RAD51C: variants seen among roughly 807,000 people sequenced by gnomAD.
The protein encoded by RAD51C is DNA repair protein RAD51 homolog 3.
In RAD51C, 42 loss-of-function variants were observed where a neutral mutation model predicts 45.0. The ratio of observed to expected loss-of-function variants is 0.93; its 90% confidence interval spans 0.73 to 1.21. The LOEUF is 1.21. Ranked by LOEUF, RAD51C falls within the 50% of genes most tolerant of loss-of-function variation. RAD51C has a pLI of 0.00. For missense variants in RAD51C, 474 were observed against 452.2 expected (o/e 1.05, Z -0.44); for synonymous variants, 172 against 159.8 (o/e 1.08, Z -0.58).
intron 5 of RAD51C, among the ~76,000 whole-genome samples, chr17:58,715,112 C>T (rs1171321252): frequency 6.7e-6 from 1 of 149,794 alleles, no homozygotes; most frequent in Non-Finnish European, 1.5e-5. Flanking sequence ...TTCTGGGAAA[C>T]ACACAGTTCC....
chr17:58,695,926 G>T (rs1010716166), intron 2 of RAD51C, among the ~76,000 whole-genome samples: 2 of 151,876 alleles, frequency 1.3e-5, no homozygotes, highest in African/African-American at 4.8e-5. Context: ...AATTAGCCAG[G>T]CATGGTGGTT....
Position 58,734,184 on chromosome 17 carries a change from A to C in RAD51C, c.1093A>C (p.Thr365Pro), listed in dbSNP as rs1350543873. The change falls in exon 9 of 9, where the codon ACC becomes CCC. Residue 365 changes from threonine to proline, a missense_variant. Transcript: ENST00000337432. The part of the protein sequence containing the change: ...CSLQTEGSLS[T>P]RKRSRDPEEE... ...ATTGCAAACAGAAGGTTCCTTGAGC[A>C]CCCGGAAACGGTCACGAGACCCAGA... 1 of 1,613,442 alleles carries C rather than the reference A, an allele frequency of 6.2e-7. No homozygotes were observed. Among genetic ancestry groups the C allele is most frequent in the Admixed American group, 1.7e-5 (1 of 59,952 alleles).
intron 5 of RAD51C, among the ~76,000 whole-genome samples, chr17:58,718,004 CT>C (rs1018587979): frequency 6.6e-6 from 1 of 151,044 alleles, no homozygotes; most frequent in African/African-American, 2.4e-5. Flanking sequence ...TTTTCTTTTT[CT>C]TTTTTTTTGA....
At chr17:58,712,013 C>G (rs932762619) in intron 5 of RAD51C, among the ~76,000 whole-genome samples, 1 of 151,428 alleles carries the variant, frequency 6.6e-6, no homozygotes, top group Non-Finnish European at 1.5e-5. Flanking sequence ...CCAGCCTGAA[C>G]AACAAAGCTT....
intron 8 of RAD51C, 22 bp downstream of exon 8, chr17:58,732,566 T>G: frequency 6.2e-7 from 1 of 1,600,240 alleles, no homozygotes; most frequent in Non-Finnish European, 8.6e-7. Flanking sequence ...TTGATTAGAG[T>G]GGGATTTTGA....
At chr17:58,697,052 CT>C (rs1470099194) in intron 3 of RAD51C, among the ~76,000 whole-genome samples, 193 bp downstream of exon 3, 2 of 152,060 alleles carry the variant, frequency 1.3e-5, no homozygotes, top group Non-Finnish European at 2.9e-5. Flanking sequence ...TTTTGTTCCC[CT>C]TTTATGGCCC....
chr17:58,708,843 C>T (rs2048458941), intron 4 of RAD51C, among the ~76,000 whole-genome samples: 1 of 151,808 alleles, frequency 6.6e-6, no homozygotes, highest in East Asian at 1.9e-4. Context: ...GCTGGGATTA[C>T]AGATGTGAGC....
In RAD51C at chr17:58,734,444, C is replaced by G. The variant is rs2049574296; in HGVS notation, c.*222C>G. The G allele has an allele frequency of 2.8e-6, 2 of 705,980 alleles. No individual in the cohort carries two copies. Among genetic ancestry groups the G allele is most frequent in the Non-Finnish European group, 4.5e-6 (2 of 443,422 alleles). The allele number at this position is 705,980 out of a possible 1,614,324, so 43.7% of individuals were successfully genotyped here. On this transcript the variant is annotated 3_prime_UTR_variant, in exon 9 of 9. Transcript: ENST00000337432. ...CCCTGTTTTCATTTTCAGTAACATT[C>G]AGTAGAGATGATTATTATATTTCAC...
rs148686423 is a variant in RAD51C at position 58,701,503 on chromosome 17, G to A, written c.572-1693G>A. On this transcript the variant is annotated intron_variant, in intron 3 of 8. Coordinates refer to ENST00000337432, the MANE Select transcript of RAD51C (RefSeq NM_058216.3). ...AGCCTGGAGGACAGAGCAAGACTCC[G>A]TCTCAAAAAAATGAAAAAGAAAAAA... Among the ~76,000 whole-genome samples the A allele has an allele frequency of 2.2e-3, 335 of 150,276 alleles. 3 individuals are homozygous for A. Among genetic ancestry groups the A allele is most frequent in the African/African-American group, 7.8e-3 (319 of 41,062 alleles).
intron 5 of RAD51C, among the ~76,000 whole-genome samples, chr17:58,712,123 C>T (rs1015275399): frequency 8.6e-5 from 13 of 151,582 alleles, no homozygotes; most frequent in African/African-American, 2.9e-4. Flanking sequence ...CTGAGGTGGG[C>T]GGATCATGAG....
intron 2 of RAD51C, 32 bp downstream of exon 2, chr17:58,695,221 G>C (rs764097806): frequency 1.3e-6 from 2 of 1,589,940 alleles, no homozygotes; most frequent in Non-Finnish European, 1.7e-6. Context: ...TTAAGGGTGG[G>C]TTTAATAACA....
chr17:58,724,390 A>G (rs1028575897), intron 7 of RAD51C, among the ~76,000 whole-genome samples: 4 of 152,118 alleles, frequency 2.6e-5, no homozygotes, highest in African/African-American at 9.7e-5. Context: ...GAAATAATTT[A>G]TTAGCCATGT....
chr17:58,705,346 G>A (rs574962822), intron 4 of RAD51C, among the ~76,000 whole-genome samples: 1 of 147,332 alleles, frequency 6.8e-6, no homozygotes, highest in African/African-American at 2.5e-5. Flanking sequence ...CTTTTTTTTG[G>A]GGGGGGGGTG....
At chr17:58,731,879 C>T (rs1462840737) in intron 7 of RAD51C, among the ~76,000 whole-genome samples, 2 of 152,022 alleles carry the variant, frequency 1.3e-5, no homozygotes, top group African/African-American at 4.8e-5. Context: ...AGCCACCATG[C>T]CTAGGTGCAT....
intron 1 of RAD51C, 85 bp from the exon 2 acceptor site, chr17:58,694,846 T>A (rs552184450): frequency 1.0e-4 from 132 of 1,260,788 alleles, no homozygotes; most frequent in Non-Finnish European, 1.4e-4. Flanking sequence ...CACTGTTGTC[T>A]ACAAATTAAT....
At chr17:58,731,108 A>G (rs1208092846) in intron 7 of RAD51C, among the ~76,000 whole-genome samples, 1 of 152,218 alleles carries the variant, frequency 6.6e-6, no homozygotes, top group Non-Finnish European at 1.5e-5. Context: ...AGCATGTGTC[A>G]GAATTTTCTT....
Position 58,702,889 on chromosome 17 carries a change from G to C in RAD51C, c.572-307G>C, listed in dbSNP as rs373383376. On this transcript the variant is annotated intron_variant, in intron 3 of 8. Transcript: ENST00000337432. ...AAACAGATTAAGAGAGACATCAGGT[G>C]GGGGGCGGCGACGGATAGCATTAGG... 2.0e-5 allele frequency among the ~76,000 whole-genome samples: 3 copies of C among 151,982 alleles called. No homozygotes were observed. The South Asian group carries it at 6.2e-4, about 32-fold the overall frequency.
intron 4 of RAD51C, among the ~76,000 whole-genome samples, chr17:58,707,347 C>A (rs530310378): frequency 6.6e-6 from 1 of 151,918 alleles, no homozygotes; most frequent in East Asian, 1.9e-4. Flanking sequence ...GGTGAAACCC[C>A]GTCTCTACTA....
At chr17:58,698,409 C>T (rs1317198905) in intron 3 of RAD51C, among the ~76,000 whole-genome samples, 1 of 151,618 alleles carries the variant, frequency 6.6e-6, no homozygotes, top group Non-Finnish European at 1.5e-5. Flanking sequence ...TGGTCTCGAT[C>T]TCCTGACCTC....
Sources: allele counts gnomAD v4.1 joint callset (sites outside exome capture counted in the v4.1 genomes callset), GRCh38; gene constraint gnomAD v4.1.1; transcripts MANE v1.5; gene names NCBI Gene and HGNC (gene_info 2026-07-23, HGNC 2026-07-21).